The following SKOR2 variants were observed in gnomAD, a reference collection of about 807,000 sequenced individuals.
SKOR2 encodes LBX1 corepressor 1-like protein.
In SKOR2, 47 loss-of-function variants were observed where a neutral mutation model predicts 69.1. That is an observed-to-expected ratio of 0.68 (90% confidence interval 0.54 to 0.87). The LOEUF (loss-of-function observed/expected upper bound fraction) is 0.87. Among genes scored for constraint, SKOR2 ranks in the 40% least tolerant of loss-of-function variants. The pLI is 0.00. For missense variants in SKOR2, 1,404 were observed against 1,472.2 expected, an observed-to-expected ratio of 0.95 and a Z score of 0.76; for synonymous variants, 717 against 672.6, an observed-to-expected ratio of 1.07 and a Z score of -1.02.
intron 1 of SKOR2, among the ~76,000 whole-genome samples, chr18:47,251,115 AT>A (rs964342152): frequency 9.3e-5 from 6 of 64,308 alleles, no homozygotes; most frequent in Non-Finnish European, 1.8e-4. Flanking sequence ...TTGGGGCATT[AT>A]TTTTTGGGTG....
chr18:47,215,695 C>A (rs2668779), intron 7 of SKOR2, among the ~76,000 whole-genome samples: 60,437 of 151,896 alleles, frequency 0.4, 12,682 homozygotes, highest in Middle Eastern at 0.49. Flanking sequence ...AGACCAATTC[C>A]CCCTAGCTGC....
chr18:47,232,812 T>A (rs887641735), intron 4 of SKOR2, among the ~76,000 whole-genome samples: 10 of 152,352 alleles, frequency 6.6e-5, no homozygotes, highest in African/African-American at 9.6e-5. Context: ...AAAGATCTCC[T>A]TACTATTTAT....
intron 4 of SKOR2, among the ~76,000 whole-genome samples, chr18:47,239,982 T>TTA (rs1555659270): frequency 4.0e-5 from 6 of 151,812 alleles, no homozygotes; most frequent in Non-Finnish European, 7.4e-5. Flanking sequence ...TGCTTTTTTT[T>TTA]AAAAAAATCA....
intron 4 of SKOR2, among the ~76,000 whole-genome samples, chr18:47,241,238 C>T (rs1341095695): frequency 6.6e-6 from 1 of 152,132 alleles, no homozygotes; most frequent in Non-Finnish European, 1.5e-5. Context: ...TGAATGCTAT[C>T]ATGTAGATAA....
Position 47,247,391 on chromosome 18 carries a change from C to T in SKOR2, c.1793G>A (p.Arg598Gln), listed in dbSNP as rs1189392615. 6 of 1,383,914 alleles carry T rather than the reference C, an allele frequency of 4.3e-6. No homozygotes were observed. The highest frequency in any genetic ancestry group is 1.5e-5 in the African/African-American group (1 of 66,540). The allele number at this position is 1,383,914 out of a possible 1,614,324, so 85.7% of individuals were successfully genotyped here. The part of the protein sequence containing the change: ...AAAGSGPAGS[R>Q]VPAPHHPHLL... ...GTGCGGATGGTGGGGCGCCGGAACC[C>T]GGGAGCCCGCGGGGCCAGACCCGGC... is the stretch of plus-strand genomic sequence containing the variant. Residue 598 changes from arginine to glutamine, a missense_variant, in exon 2 of 9, where the codon CGG (arginine) becomes CAG (glutamine). Around this residue, in one of 3 missense-constraint regions of SKOR2, gnomAD observed 1,266 missense variants for 1,309.9 expected, o/e 0.97. Transcript: ENST00000425639. The surrounding 1 kb of genome is among the most constrained non-coding windows in gnomAD (Gnocchi z 6.6).
chr18:47,218,791 A>G (rs1568083974), intron 7 of SKOR2, among the ~76,000 whole-genome samples: 1 of 152,154 alleles, frequency 6.6e-6, no homozygotes, highest in Non-Finnish European at 1.5e-5. Context: ...TTATTAAATC[A>G]ATTATGAAAA....
intron 6 of SKOR2, among the ~76,000 whole-genome samples, chr18:47,226,675 T>C (rs996760909): frequency 6.6e-6 from 1 of 152,224 alleles, no homozygotes; most frequent in Admixed American, 6.5e-5. Flanking sequence ...CATTAGCTGG[T>C]TTACTATACA....
At chr18:47,250,541 G>A (rs1037508486) in intron 1 of SKOR2, among the ~76,000 whole-genome samples, 1 of 152,174 alleles carries the variant, frequency 6.6e-6, no homozygotes, top group African/African-American at 2.4e-5. Context: ...GGCCCCTTTC[G>A]GCCACGTACA....
intron 6 of SKOR2, among the ~76,000 whole-genome samples, chr18:47,222,166 CA>C (rs1177231561): frequency 3.3e-5 from 5 of 151,798 alleles, no homozygotes; most frequent in Non-Finnish European, 7.4e-5. Context: ...ACTAAAAATA[CA>C]AAAAATTATC....
rs965377455 is a variant in SKOR2, at chr18:47,240,444, A to C, written c.2752+4464T>G. On this transcript the variant is annotated intron_variant, in intron 4 of 8. Transcript: ENST00000425639. ...TTTTGATGAAACTACCATCCCCCTTATCTATCTGACTTGGGTCTAATTTTA... is the reference window on the plus strand; with the variant it reads ...TTTTGATGAAACTACCATCCCCCTTCTCTATCTGACTTGGGTCTAATTTTA... Among the ~76,000 whole-genome samples, 5 of 152,212 alleles carry C rather than the reference A, an allele frequency of 3.3e-5. No homozygotes were observed. The East Asian group carries it at 9.6e-4, about 29-fold the overall frequency.
At chr18:47,238,694 G>T (rs2064236176) in intron 4 of SKOR2, among the ~76,000 whole-genome samples, 1 of 152,140 alleles carries the variant, frequency 6.6e-6, no homozygotes, top group Admixed American at 6.5e-5. Flanking sequence ...TCTAACATCT[G>T]GATGAAGAAA....
At chr18:47,222,034 T>G (rs1305542005) in intron 6 of SKOR2, among the ~76,000 whole-genome samples, 5 of 152,172 alleles carry the variant, frequency 3.3e-5, no homozygotes, top group Non-Finnish European at 7.4e-5. Flanking sequence ...TAAGCTTTGA[T>G]GACAGGCCGA....
At chr18:47,231,229 C>T (rs2064197034) in intron 4 of SKOR2, 1 of 1,476,188 alleles carries the variant, frequency 6.8e-7, no homozygotes, top group African/African-American at 1.4e-5. Flanking sequence ...ATGGCAGCTC[C>T]CGAAAAGCAG....
At chr18:47,216,661 TAA>T (rs1361835862) in intron 7 of SKOR2, among the ~76,000 whole-genome samples, 2 of 152,192 alleles carry the variant, frequency 1.3e-5, no homozygotes, top group African/African-American at 4.8e-5. Flanking sequence ...GCTTTCAATA[TAA>T]GTTTTTTGAA....
At position 47,230,963 on chromosome 18, in the gene SKOR2, C is replaced by G; in HGVS notation, c.2790G>C (p.Leu930=). The G allele has an allele frequency of 2.7e-6, 4 of 1,506,088 alleles. No individual in the cohort carries two copies. Among genetic ancestry groups the G allele is most frequent in the Non-Finnish European group, 3.5e-6 (4 of 1,128,366 alleles). The allele number at this position is 1,506,088 out of a possible 1,614,324, so 93.3% of individuals were successfully genotyped here. The change falls in exon 5 of 9, where the codon CTG becomes CTC. Residue 930 remains leucine (L), a synonymous_variant. Coordinates refer to ENST00000425639, the MANE Select transcript of SKOR2 (RefSeq NM_001278063.4). ...HTQETNSPHS[L]KKDVENMGKE... is the part of the protein sequence containing the mutation. The stretch of plus-strand genomic sequence containing the variant: ...TCCCCATATTTTCTACATCCTTTTT[C>G]AGTGAATGAGGTGAGTTGGTTTCTT...
chr18:47,221,293 T>C (rs1600028670), intron 6 of SKOR2, among the ~76,000 whole-genome samples: 1 of 152,138 alleles, frequency 6.6e-6, no homozygotes, highest in Admixed American at 6.5e-5. Flanking sequence ...GTCACTGTAA[T>C]AGAGGGAAGT....
At position 47,248,204 on chromosome 18, in the gene SKOR2, G is replaced by A. The variant is rs1413918114; in HGVS notation, c.980C>T (p.Ala327Val). Residue 327 changes from alanine to valine, a missense_variant, in exon 2 of 9, where the codon GCC becomes GTC. This residue lies in a region of SKOR2 where 1,266 missense variants were observed against 1,309.9 expected (regional missense o/e 0.97). Transcript: ENST00000425639. The surrounding 1 kb of genome is among the most constrained non-coding windows in gnomAD (Gnocchi z 6.4). ...GCTGGCGGCTGCGGCCGAGAGGCTG[G>A]CGGCGGCCACTACGGCGGCCTCCTG... is the stretch of plus-strand genomic sequence containing the variant. ...SLQEAAVVAA[A>V]SLSAAAASLS... The A allele has an allele frequency of 1.6e-6, 2 of 1,231,470 alleles. No homozygotes were observed. Among genetic ancestry groups the A allele is most frequent in the South Asian group, 3.8e-5 (1 of 26,456 alleles). 76.3% of individuals were successfully genotyped at this position (1,231,470 alleles called of 1,614,324 possible). A position where few individuals can be genotyped will look rare whatever the true frequency, so the allele number is the denominator to read the frequency against.
chr18:47,214,957 A>G (rs2064139238), intron 7 of SKOR2, among the ~76,000 whole-genome samples: 1 of 151,528 alleles, frequency 6.6e-6, no homozygotes, highest in Admixed American at 6.6e-5. Context: ...CTTCTAAATT[A>G]CCTACTTGGT....
Position 47,248,300 on chromosome 18 carries a change from A to T in SKOR2, c.884T>A (p.Leu295Ter). 8.3e-7 allele frequency: 1 copy of T among 1,208,550 alleles called. No homozygotes were observed. The highest frequency in any genetic ancestry group is 1.0e-6 in the Non-Finnish European group (1 of 975,588). 74.9% of individuals were successfully genotyped at this position (1,208,550 alleles called of 1,614,324 possible). A position where few individuals can be genotyped will look rare whatever the true frequency, so the allele number is the denominator to read the frequency against. The change falls in exon 2 of 9, where the codon TTG (leucine) becomes TAG (stop). Residue 295 changes from leucine to a stop codon, truncating the protein, a stop_gained. Coordinates refer to ENST00000425639, the MANE Select transcript of SKOR2 (RefSeq NM_001278063.4). LOFTEE classifies it high-confidence loss of function. The surrounding 1 kb of genome is among the most constrained non-coding windows in gnomAD (Gnocchi z 6.4). Reference sequence around the variant, plus strand: ...GTGCGGGGCACCAGCCAGCTCTGCCAAGGGCGGCGGTGGCGGCGGCGGCGG... The same window carrying T: ...GTGCGGGGCACCAGCCAGCTCTGCCTAGGGCGGCGGTGGCGGCGGCGGCGG... ...PPPPPPPPPP[L>*]AELAGAPHAH... is the part of the protein sequence containing the mutation.
Sources: gnomAD v4.1 joint callset for allele counts (sites outside exome capture counted in the v4.1 genomes callset) on GRCh38, gnomAD v4.1.1 for gene constraint, gnomAD v4.1.1 regional missense constraint, Gnocchi (gnomAD v3.1) non-coding constraint, MANE v1.5 for transcripts, NCBI Gene and HGNC (gene_info 2026-07-23, HGNC 2026-07-21) for gene names.